HERC4: variants seen among roughly 807,000 people sequenced by gnomAD.
The protein encoded by HERC4 is HECT and RLD domain containing E3 ubiquitin protein ligase 4.
HERC4 carries 28 observed loss-of-function variants against 124.3 expected under a neutral mutation model. The observed-to-expected ratio is 0.23, with a 90% CI of 0.17 to 0.31. HERC4 has a LOEUF of 0.31. Among genes scored for constraint, HERC4 ranks in the 10% least tolerant of loss-of-function variants. The probability of loss-of-function intolerance (pLI) is 1.00; values close to 1 mark genes in which losing one functional copy is unlikely to be tolerated. For missense variants in HERC4, 713 were observed against 1,229.3 expected, an observed-to-expected ratio of 0.58 and a Z score of 6.28; for synonymous variants, 407 against 421.5, an observed-to-expected ratio of 0.97 and a Z score of 0.42.
chr10:67,934,602 T>C (rs1453949946), intron 22 of HERC4, among the ~76,000 whole-genome samples: 12 of 152,010 alleles, frequency 7.9e-5, no homozygotes, highest in Admixed American at 7.2e-4. Flanking sequence ...GAAAAAGGCA[T>C]CAGAAGTAAA....
chr10:68,031,979 T>C (rs2039230861), intron 7 of HERC4, among the ~76,000 whole-genome samples: 1 of 152,206 alleles, frequency 6.6e-6, no homozygotes, highest in African/African-American at 2.4e-5. Context: ...CTTGAAGTCC[T>C]GACCACAGGT....
At chr10:67,995,217 G>C in intron 9 of HERC4, 1 of 450,888 alleles carries the variant, frequency 2.2e-6, no homozygotes, top group South Asian at 1.6e-5. Flanking sequence ...GTTCCATCAG[G>C]AAACACATAA....
chr10:68,034,973 C>A (rs972995518), intron 5 of HERC4, among the ~76,000 whole-genome samples: 1 of 152,084 alleles, frequency 6.6e-6, no homozygotes, highest in African/African-American at 2.4e-5. Context: ...CACTTTTGCT[C>A]CCATATTGCC....
intron 7 of HERC4, among the ~76,000 whole-genome samples, chr10:68,029,445 T>TCGCA (rs2039076923): frequency 6.6e-6 from 1 of 151,564 alleles, no homozygotes; most frequent in African/African-American, 2.4e-5. Context: ...TGGGCCGAGA[T>TCGCA]CGCACCACTG....
rs1270214924 is a variant in HERC4, at chr10:67,923,123, A to G, written c.2958T>C (p.Ser986=). Reference sequence around the variant, plus strand: ...TCATACCAAGAATAGGAATGCGATCACTACCTGTCAAAAATACTGCCAAGA... The same window carrying G: ...TCATACCAAGAATAGGAATGCGATCGCTACCTGTCAAAAATACTGCCAAGA... The part of the protein sequence containing the change: ...KKQFLLFLTG[S]DRIPILGMKS... Residue 986 remains serine, a synonymous_variant, in exon 25 of 25, where the codon AGT becomes AGC. Transcript: ENST00000373700. 6.2e-7 allele frequency: 1 copy of G among 1,612,660 alleles called. No homozygotes were observed. Among genetic ancestry groups the G allele is most frequent in the Admixed American group, 1.7e-5 (1 of 59,694 alleles).
intron 19 of HERC4, among the ~76,000 whole-genome samples, chr10:67,948,476 A>T (rs985922693): frequency 6.6e-6 from 1 of 152,218 alleles, no homozygotes; most frequent in Non-Finnish European, 1.5e-5. Flanking sequence ...ACAATGCAAT[A>T]CCACCTTACT....
At chr10:68,021,160 A>G (rs2038600925) in intron 8 of HERC4, among the ~76,000 whole-genome samples, 1 of 152,230 alleles carries the variant, frequency 6.6e-6, no homozygotes, top group African/African-American at 2.4e-5. Flanking sequence ...ATGCTGAAAG[A>G]CAAAGAATCT....
chr10:67,984,739 C>G (rs185324039), intron 15 of HERC4, among the ~76,000 whole-genome samples: 52 of 152,186 alleles, frequency 3.4e-4, no homozygotes, highest in Admixed American at 3.3e-3. Context: ...CGTGCCACCA[C>G]GCTCAATTAA....
chr10:68,059,812 ATAT>A (rs1479084335), intron 3 of HERC4, among the ~76,000 whole-genome samples: 1 of 70,852 alleles, frequency 1.4e-5, no homozygotes, highest in Non-Finnish European at 2.0e-5. Flanking sequence ...ATATATTATA[ATAT>A]TATATATCAT....
intron 19 of HERC4, among the ~76,000 whole-genome samples, chr10:67,946,846 G>T (rs1251646530): frequency 6.6e-6 from 1 of 152,134 alleles, no homozygotes; most frequent in East Asian, 1.9e-4. Flanking sequence ...GGTAGATGTT[G>T]CATTGAGTCA....
Position 68,059,618 on chromosome 10 carries a change from A to AATATTATATATCATAATATTATATATT in HERC4, c.226+13238_226+13264dup, listed in dbSNP as rs1564608015. 1.5e-3 allele frequency among the ~76,000 whole-genome samples: 138 copies of AATATTATATATCATAATATTATATATT among 89,872 alleles called. 22 individuals carry two copies. The highest frequency in any genetic ancestry group is 7.9e-3 in the African/African-American group (125 of 15,816). The allele number at this position is 89,872 out of a possible 152,430, so 59.0% of individuals were successfully genotyped here. A position where few individuals can be genotyped will look rare whatever the true frequency, so the allele number is the denominator to read the frequency against. ...TATATATCATAATATTATATATCATAATATTATATATCATAATATTATATA... is the reference window on the plus strand; with the variant it reads ...TATATATCATAATATTATATATCATAATATTATATATCATAATATTATATATTATATTATATATCATAATATTATATA... On this transcript the variant is annotated intron_variant, in intron 3 of 24. Coordinates refer to ENST00000373700, the MANE Select transcript of HERC4 (RefSeq NM_015601.4).
At chr10:68,051,881 G>T (rs2133605586) in intron 3 of HERC4, among the ~76,000 whole-genome samples, 1 of 150,560 alleles carries the variant, frequency 6.6e-6, no homozygotes, top group South Asian at 2.1e-4. Context: ...GTTGCCCAGG[G>T]TGATCTCGAA....
At chr10:67,987,725 G>A (rs2036342732) in intron 15 of HERC4, among the ~76,000 whole-genome samples, 1 of 152,064 alleles carries the variant, frequency 6.6e-6, no homozygotes. Flanking sequence ...AAAGAAAAAA[G>A]TAAGTCCAGA....
intron 6 of HERC4, among the ~76,000 whole-genome samples, chr10:68,033,736 T>C (rs1008725471): frequency 6.6e-6 from 1 of 152,202 alleles, no homozygotes; most frequent in African/African-American, 2.4e-5. Context: ...TTAATAAACA[T>C]CCAATACTAA....
chr10:68,015,911 T>C (rs1480324185), intron 8 of HERC4, among the ~76,000 whole-genome samples: 1 of 152,094 alleles, frequency 6.6e-6, no homozygotes, highest in Admixed American at 6.6e-5. Context: ...GAGACCAGCA[T>C]GGCAAACATG....
At chr10:67,946,385 ACACACACACAC>A (rs1564940394) in intron 19 of HERC4, among the ~76,000 whole-genome samples, 6 of 142,240 alleles carry the variant, frequency 4.2e-5, no homozygotes, top group African/African-American at 1.5e-4. Flanking sequence ...ACACACACAC[ACACACACACAC>A]AAGACCCAAT....
chr10:67,992,715 G>T, intron 9 of HERC4, 33 bp from the exon 10 acceptor site: 1 of 1,078,382 alleles, frequency 9.3e-7, no homozygotes, highest in Non-Finnish European at 1.4e-6. Flanking sequence ...TAAAAGCCAA[G>T]ATTTACATAA....
chr10:67,926,409 T>TA (rs2030954300), intron 23 of HERC4, among the ~76,000 whole-genome samples: 2 of 128,988 alleles, frequency 1.6e-5, no homozygotes, highest in African/African-American at 5.9e-5. Context: ...ATAAAAAAAA[T>TA]AAAAAATAAA....
At chr10:68,041,469 T>C (rs552029648) in intron 4 of HERC4, among the ~76,000 whole-genome samples, 10 of 152,286 alleles carry the variant, frequency 6.6e-5, no homozygotes, top group African/African-American at 2.4e-4. Flanking sequence ...AATTGTAATA[T>C]ATCTTAAAAT....
Sources: gnomAD v4.1 joint callset for allele counts (sites outside exome capture counted in the v4.1 genomes callset) on GRCh38, gnomAD v4.1.1 for gene constraint, MANE v1.5 for transcripts, NCBI Gene and HGNC (gene_info 2026-07-23, HGNC 2026-07-21) for gene names.